The following PCDHA6 variants were observed in gnomAD, a reference collection of about 807,000 sequenced individuals.
PCDHA6 encodes protocadherin alpha-6.
A neutral mutation model predicts 60.3 loss-of-function variants in PCDHA6; 55 were observed. That is an observed-to-expected ratio of 0.91 (90% CI 0.73 to 1.14). The LOEUF (loss-of-function observed/expected upper bound fraction) is 1.14. PCDHA6 is among the 50% of genes most tolerant of loss of function. The pLI, the probability that PCDHA6 is intolerant of heterozygous loss-of-function variation, is 0.00. For missense variants in PCDHA6, 1,327 were observed against 1,256.5 expected, an observed-to-expected ratio of 1.06 and a Z score of -0.85; for synonymous variants, 652 against 557.9, an observed-to-expected ratio of 1.17 and a Z score of -2.38.
At chr5:140,850,835 T>C in intron 1 of PCDHA6, 5 of 1,597,984 alleles carry the variant, frequency 3.1e-6, no homozygotes, top group Non-Finnish European at 4.3e-6. Flanking sequence ...CTCCTTGTGC[T>C]GGATCTACAG....
At chr5:140,920,835 C>T (rs1253933771) in intron 1 of PCDHA6, among the ~76,000 whole-genome samples, 1 of 141,740 alleles carries the variant, frequency 7.1e-6, no homozygotes, top group Non-Finnish European at 1.5e-5. Flanking sequence ...GGAGCAAGAC[C>T]AAATCTAAAA....
rs781960813 is a variant in PCDHA6 at position 140,883,266 on chromosome 5, A to C, written c.2394+52781A>C. On this transcript the variant is annotated intron_variant, in intron 1 of 3. Transcript: ENST00000529310. ...AAAGGAAATATTCCAATGGCGGGTCATTGTACCCTTTTGGTGGAAGTACTA... is the reference window on the plus strand; with the variant it reads ...AAAGGAAATATTCCAATGGCGGGTCCTTGTACCCTTTTGGTGGAAGTACTA... 2.7e-5 allele frequency: 43 copies of C among 1,614,082 alleles called. No individual in the cohort carries two copies. In the African/African-American group the frequency reaches 4.7e-4, roughly 18 times the overall value.
chr5:140,917,483 G>C (rs1237773555), intron 1 of PCDHA6, among the ~76,000 whole-genome samples: 1 of 152,152 alleles, frequency 6.6e-6, no homozygotes, highest in Non-Finnish European at 1.5e-5. Flanking sequence ...CTTTGCCAGG[G>C]CCTATGCCCA....
chr5:140,914,426 A>G (rs1554196349), intron 1 of PCDHA6, among the ~76,000 whole-genome samples: 1 of 152,140 alleles, frequency 6.6e-6, no homozygotes, highest in African/African-American at 2.4e-5. Context: ...TTAGCAAGGA[A>G]TATCTTTTCC....
intron 1 of PCDHA6, chr5:140,858,744 A>G: frequency 2.2e-6 from 1 of 461,862 alleles, no homozygotes; most frequent in South Asian, 3.0e-5. Flanking sequence ...TTTCATAATC[A>G]CTTTTCGTTA....
At chr5:140,950,159 T>C (rs983239055) in intron 1 of PCDHA6, among the ~76,000 whole-genome samples, 3 of 151,972 alleles carry the variant, frequency 2.0e-5, no homozygotes, top group Non-Finnish European at 4.4e-5. Flanking sequence ...AAGCAGTTAT[T>C]ATGTACTTTA....
chr5:140,830,142 T>A lies in PCDHA6; in HGVS notation c.2051T>A (p.Val684Glu). The change falls in exon 1 of 4, where the codon GTG becomes GAG. Residue 684 changes from valine (V) to glutamate (E), a missense_variant. Physicochemically the swap from Val to Glu is moderately radical, Grantham distance 121 (BLOSUM62 -2). Coordinates refer to ENST00000529310, the MANE Select transcript of PCDHA6 (RefSeq NM_018909.4). The stretch of plus-strand genomic sequence containing the variant: ...CCAAAGGCGTCATCACGGGCGTCGG[T>A]GGGCGCCGCGGGCCCAGAGGCGGCG... ...QAPKASSRAS[V>E]GAAGPEAALV... 4.3e-6 allele frequency: 7 copies of A among 1,613,256 alleles called. No individual in the cohort carries two copies. Among genetic ancestry groups the A allele is most frequent in the Non-Finnish European group, 5.9e-6 (7 of 1,179,850 alleles).
At chr5:140,966,233 C>T (rs1554228161) in intron 1 of PCDHA6, 1 of 287,374 alleles carries the variant, frequency 3.5e-6, no homozygotes, top group Non-Finnish European at 6.4e-6. Flanking sequence ...CCTTAAAGAC[C>T]CGTTAAGCAG....
intron 1 of PCDHA6, among the ~76,000 whole-genome samples, chr5:140,907,623 G>T (rs553186767): frequency 6.6e-6 from 1 of 152,352 alleles, no homozygotes; most frequent in East Asian, 1.9e-4. Context: ...AGGGCTCAGT[G>T]TTGGTCTCTG....
chr5:140,849,133 C>T, intron 1 of PCDHA6: 2 of 1,357,922 alleles, frequency 1.5e-6, no homozygotes, highest in South Asian at 2.6e-5. Flanking sequence ...TTATTGCTCA[C>T]GGCCACCGAT....
chr5:140,966,538 C>T, intron 1 of PCDHA6: 2 of 463,262 alleles, frequency 4.3e-6, no homozygotes, highest in South Asian at 1.1e-4. Flanking sequence ...GGTTGAGCGA[C>T]TCGGAGGCGA....
rs75040653 is a variant in PCDHA6 at position 140,982,339 on chromosome 5, T to G, written c.2454-136T>G. ...TGCAGGGTGACTGCTCAGCAGTAAT[T>G]GCTTCAGTTCAAGCATGAGCAGAAT... On this transcript the variant is annotated intron_variant, in intron 2 of 3. Transcript: ENST00000529310. The G allele has an allele frequency of 3.1e-3, 4,547 of 1,456,350 alleles. 58 individuals carry two copies. The East Asian group carries it at 0.042, about 14-fold the overall frequency. The allele number at this position is 1,456,350 out of a possible 1,614,324, so 90.2% of individuals were successfully genotyped here.
intron 1 of PCDHA6, chr5:140,869,082 T>A: frequency 6.3e-7 from 1 of 1,582,446 alleles, no homozygotes; most frequent in South Asian, 1.2e-5. Context: ...GAAGCTTATT[T>A]TGGAAGCCAA....
chr5:140,863,171 C>T (rs782749533), intron 1 of PCDHA6: 11 of 696,670 alleles, frequency 1.6e-5, no homozygotes, highest in Non-Finnish European at 2.8e-5. Flanking sequence ...CTGGCGCTGA[C>T]TGCCACCGTC....
chr5:140,884,443 A>G (rs568353165), intron 1 of PCDHA6: 2 of 1,613,454 alleles, frequency 1.2e-6, no homozygotes, highest in South Asian at 2.2e-5. Flanking sequence ...GGTGCTCGGC[A>G]CCGCCCACCG....
chr5:140,843,082 G>C (rs1265027526), intron 1 of PCDHA6: 3 of 1,595,314 alleles, frequency 1.9e-6, no homozygotes, highest in African/African-American at 1.3e-5. Flanking sequence ...CTGTGGGCGC[G>C]GGCCACGTGG....
chr5:140,991,707 A>G (rs1436655429), intron 3 of PCDHA6, among the ~76,000 whole-genome samples: 1 of 152,158 alleles, frequency 6.6e-6, no homozygotes, highest in Non-Finnish European at 1.5e-5. Flanking sequence ...TAATATGCAT[A>G]TTGCTACTAG....
intron 1 of PCDHA6, among the ~76,000 whole-genome samples, chr5:140,838,525 T>C (rs1165394742): frequency 6.6e-6 from 1 of 151,996 alleles, no homozygotes; most frequent in Non-Finnish European, 1.5e-5. Flanking sequence ...CATCTTATTT[T>C]CTTTTATGGA....
At chr5:140,968,982 C>G in intron 1 of PCDHA6, 1 of 1,614,226 alleles carries the variant, frequency 6.2e-7, no homozygotes, top group Non-Finnish European at 8.5e-7. Flanking sequence ...GCGTATGGCA[C>G]TGCATGCTGT....
Sources: allele counts gnomAD v4.1 joint callset (sites outside exome capture counted in the v4.1 genomes callset), GRCh38; gene constraint gnomAD v4.1.1; transcripts MANE v1.5; gene names NCBI Gene and HGNC (gene_info 2026-07-23, HGNC 2026-07-21).